NOTCH2: variants seen among roughly 807,000 people sequenced by gnomAD.
The protein encoded by NOTCH2 is neurogenic locus notch homolog protein 2.
NOTCH2 carries 29 observed loss-of-function variants against 235.8 expected under a neutral mutation model. The observed-to-expected ratio is 0.12, with a 90% CI of 0.09 to 0.17. The LOEUF is 0.17. Ranked by LOEUF, NOTCH2 falls within the 10% of genes least tolerant of loss-of-function variation. NOTCH2 has a pLI of 1.00. For missense variants in NOTCH2, 2,285 were observed against 3,150.2 expected (o/e 0.73, Z 6.57); for synonymous variants, 1,086 against 1,141.5 (o/e 0.95, Z 0.98).
At chr1:120,000,361 C>T (rs1306657443) in intron 3 of NOTCH2, among the ~76,000 whole-genome samples, 15 of 151,470 alleles carry the variant, frequency 9.9e-5, no homozygotes, top group Admixed American at 7.2e-4. Flanking sequence ...AGGTGAAAGC[C>T]CATCTCTACT....
At chr1:119,988,793 CTGA>C (rs1457915682) in intron 4 of NOTCH2, among the ~76,000 whole-genome samples, 1 of 152,178 alleles carries the variant, frequency 6.6e-6, no homozygotes. Flanking sequence ...CTCGATCTCT[CTGA>C]TGAGTAAGAC....
chr1:120,027,766 G>A (rs1294435609), intron 2 of NOTCH2, among the ~76,000 whole-genome samples: 1 of 151,146 alleles, frequency 6.6e-6, no homozygotes, highest in Non-Finnish European at 1.5e-5. Context: ...TGAGAATGAT[G>A]GCTTCCAGCT....
chr1:119,935,114 AAAT>A (rs1649801575), intron 22 of NOTCH2: 42 of 985,246 alleles, frequency 4.3e-5, no homozygotes, highest in Non-Finnish European at 4.9e-5. Context: ...AAAAGCAGGT[AAAT>A]GTAAATTGTT....
chr1:120,023,423 C>T lies in NOTCH2; in HGVS notation c.155+6483G>A, dbSNP rs1412217937. On this transcript the variant is annotated intron_variant, in intron 2 of 33. Coordinates refer to ENST00000256646, the MANE Select transcript of NOTCH2 (RefSeq NM_024408.4). ...CTGCACTCCAGCCTGGGCCACAGAG[C>T]GAGACTCTGTCTCAAAAAAAAACAA... Among the ~76,000 whole-genome samples the T allele has an allele frequency of 9.5e-5, 14 of 147,580 alleles. No individual in the cohort carries two copies. In the East Asian group the frequency reaches 2.2e-3, roughly 23 times the overall value.
chr1:119,926,503 G>A lies in NOTCH2; in HGVS notation c.4001C>T (p.Pro1334Leu), dbSNP rs772588398. ...GATGAGCAACAGGGCACTTACCGGG[G>A]GACAACGGCAAATGAAACCATCAGG... ...NMPDGFICRCPPGFSGARCQS... is the reference protein window; with the variant it reads ...NMPDGFICRCLPGFSGARCQS... The change falls in exon 24 of 34, where the codon CCC (proline) becomes CTC (leucine). Residue 1334 changes from proline (P) to leucine (L), a missense_variant. By Grantham distance (98) the Pro-to-Leu change is moderately conservative (BLOSUM62 -3). Around this residue, in one of 6 missense-constraint regions of NOTCH2, gnomAD observed 1,173 missense variants for 1,515.3 expected, o/e 0.77. Transcript: ENST00000256646. 4 of 1,599,046 alleles carry A rather than the reference G, an allele frequency of 2.5e-6. No individual in the cohort carries two copies. The South Asian group carries it at 3.4e-5, about 13-fold the overall frequency.
rs782254462 is a variant in NOTCH2 at position 119,929,167 on chromosome 1, T to C, written c.3701A>G (p.His1234Arg). 3.7e-6 allele frequency: 6 copies of C among 1,614,058 alleles called. No individual in the cohort carries two copies. The highest frequency in any genetic ancestry group is 5.1e-6 in the Non-Finnish European group (6 of 1,180,032). Residue 1234 changes from histidine to arginine, a missense_variant, in exon 23 of 34, where the codon CAT (histidine) becomes CGT (arginine). His to Arg is a conservative substitution (Grantham distance 29). This residue lies in a region of NOTCH2 where 1,173 missense variants were observed against 1,515.3 expected (regional missense o/e 0.77). Coordinates refer to ENST00000256646, the MANE Select transcript of NOTCH2 (RefSeq NM_024408.4). Reference sequence around the variant, plus strand: ...CATGCACTGACCACCATTAAGGCAATGGGGACCCCGGGCACAGTCATCAAT... The same window carrying C: ...CATGCACTGACCACCATTAAGGCAACGGGGACCCCGGGCACAGTCATCAAT... ...ENIDDCARGP[H>R]CLNGGQCMDR...
intron 4 of NOTCH2, chr1:119,996,753 A>C: frequency 1.0e-6 from 1 of 1,000,676 alleles, no homozygotes; most frequent in Non-Finnish European, 1.6e-6. Context: ...GTTTCTACAA[A>C]AGGGACAATA....
intron 2 of NOTCH2, among the ~76,000 whole-genome samples, chr1:120,026,112 CAGTG>C (rs1192852074): frequency 7.6e-6 from 1 of 131,716 alleles, no homozygotes; most frequent in African/African-American, 3.1e-5. Context: ...AGGCTCCTAA[CAGTG>C]AGAAAAAACA....
intron 11 of NOTCH2, among the ~76,000 whole-genome samples, chr1:119,961,479 C>T (rs1650935390): frequency 6.6e-6 from 1 of 152,190 alleles, no homozygotes; most frequent in Non-Finnish European, 1.5e-5. Context: ...TCTCTCATTA[C>T]AACACTGAAA....
chr1:119,979,733 T>A (rs1458066178), intron 5 of NOTCH2, among the ~76,000 whole-genome samples: 1 of 152,160 alleles, frequency 6.6e-6, no homozygotes, highest in East Asian at 1.9e-4. Context: ...ATATCAAGAA[T>A]AATTTTAAAG....
intron 23 of NOTCH2, 105 bp downstream of exon 23, chr1:119,928,871 T>C (rs1649559539): frequency 2.1e-6 from 2 of 944,882 alleles, no homozygotes; most frequent in Non-Finnish European, 1.7e-6. Flanking sequence ...GTTTTTCTTA[T>C]ATAAGAAAAG....
chr1:119,916,655 A>G lies in NOTCH2; in HGVS notation c.6067T>C (p.Tyr2023His). Residue 2023 changes from tyrosine (Y) to histidine (H), a missense_variant, in exon 34 of 34, where the codon TAT (tyrosine) becomes CAT (histidine). This residue lies in a region of NOTCH2 where 128 missense variants were observed against 255.9 expected (regional missense o/e 0.50). Coordinates refer to ENST00000256646, the MANE Select transcript of NOTCH2 (RefSeq NM_024408.4). ...TCTAACAGGATCTTGGCTGCTTCAT[A>G]GCTCCCCTCCCGGGCAGCAAGAAAC... ...PLFLAAREGS[Y>H]EAAKILLDHF... 1.9e-6 allele frequency: 3 copies of G among 1,614,210 alleles called. No individual in the cohort carries two copies. Among genetic ancestry groups the G allele is most frequent in the Non-Finnish European group, 1.7e-6 (2 of 1,180,042 alleles).
rs1358351374 is a variant in NOTCH2, at chr1:119,963,861, C to G, written c.1682-54G>C. 8.4e-6 allele frequency: 12 copies of G among 1,430,890 alleles called. No homozygotes were observed. In the East Asian group the frequency reaches 2.5e-4, roughly 30 times the overall value. 88.6% of individuals were successfully genotyped at this position (1,430,890 alleles called of 1,614,324 possible). On this transcript the variant is annotated intron_variant, in intron 10 of 33. Transcript: ENST00000256646. ...CAAAGACCAAGGCAGATATTCCACA[C>G]CAGAACACAAGTGTAGCTACATCCA...
chr1:119,969,802 T>C (rs1553200165), intron 5 of NOTCH2, 58 bp from the exon 6 acceptor site: 9 of 1,423,762 alleles, frequency 6.3e-6, no homozygotes, highest in Middle Eastern at 1.8e-4. Context: ...ACTAGTACCA[T>C]ACCAGCCCCC....
In NOTCH2 at chr1:119,919,548, C is replaced by T. The variant is rs1296823228; in HGVS notation, c.5545G>A (p.Glu1849Lys). 4 of 1,614,172 alleles carry T rather than the reference C, an allele frequency of 2.5e-6. No homozygotes were observed. Among genetic ancestry groups the T allele is most frequent in the Non-Finnish European group, 2.5e-6 (3 of 1,180,048 alleles). Residue 1849 changes from glutamate (E) to lysine (K), a missense_variant, in exon 31 of 34, where the codon GAA becomes AAA. Around this residue, in one of 6 missense-constraint regions of NOTCH2, gnomAD observed 1,173 missense variants for 1,515.3 expected, o/e 0.77. Coordinates refer to ENST00000256646, the MANE Select transcript of NOTCH2 (RefSeq NM_024408.4). ...TTAGCAGAAGAGTCCTCTGCATCTT[C>T]ATCTTCATCACTCAAATCTGAGCTG... The part of the protein sequence containing the change: ...GGSSDLSDED[E>K]DAEDSSANII...
In NOTCH2 at chr1:119,961,173, T is replaced by C. The variant is rs587711058; in HGVS notation, c.1916-1671A>G. Among the ~76,000 whole-genome samples the C allele has an allele frequency of 3.3e-5, 5 of 152,286 alleles. No individual in the cohort carries two copies. The South Asian group carries it at 1.0e-3, about 32-fold the overall frequency. On this transcript the variant is annotated intron_variant, in intron 11 of 33. Coordinates refer to ENST00000256646, the MANE Select transcript of NOTCH2 (RefSeq NM_024408.4). Reference sequence around the variant, plus strand: ...CAGGAAAGCTGGGCTCTGAACCCTGTTTGTGTGGCTCCACAGCATCCTCTT... The same window carrying C: ...CAGGAAAGCTGGGCTCTGAACCCTGCTTGTGTGGCTCCACAGCATCCTCTT...
At position 119,922,431 on chromosome 1, in the gene NOTCH2, G is replaced by A. The variant is rs761293438; in HGVS notation, c.5018C>T (p.Pro1673Leu). The A allele has an allele frequency of 6.2e-7, 1 of 1,612,436 alleles. No homozygotes were observed. The highest frequency in any genetic ancestry group is 8.5e-7 in the Non-Finnish European group (1 of 1,179,154). Residue 1673 changes from proline (P) to leucine (L), a missense_variant, in exon 28 of 34, where the codon CCA becomes CTA. Physicochemically the swap from Pro to Leu is moderately conservative, Grantham distance 98. Transcript: ENST00000256646. The stretch of plus-strand genomic sequence containing the variant: ...GAGATAGAGGAGCTGAGTGCGTTCT[G>A]GAGTCAGGGATTCACCTGAAAGTCC... ...LVSVVSESLT[P>L]ERTQLLYLLA... is the part of the protein sequence containing the mutation.
At position 119,919,814 on chromosome 1, in the gene NOTCH2, A is replaced by T. The variant is rs369043350; in HGVS notation, c.5480-201T>A. Among the ~76,000 whole-genome samples, 5 of 152,326 alleles carry T rather than the reference A, an allele frequency of 3.3e-5. No homozygotes were observed. The East Asian group carries it at 9.6e-4, about 29-fold the overall frequency. Reference sequence around the variant, plus strand: ...CTGTAAAGAATAATGGGAAAGTACAAGTCTTTTTAAGCTGGGGGCTCTTCT... The same window carrying T: ...CTGTAAAGAATAATGGGAAAGTACATGTCTTTTTAAGCTGGGGGCTCTTCT... On this transcript the variant is annotated intron_variant, in intron 30 of 33. Coordinates refer to ENST00000256646, the MANE Select transcript of NOTCH2 (RefSeq NM_024408.4).
intron 2 of NOTCH2, among the ~76,000 whole-genome samples, chr1:120,015,208 C>A (rs1326285797): frequency 6.6e-6 from 1 of 152,206 alleles, no homozygotes; most frequent in Admixed American, 6.5e-5. Context: ...AGCTGCTCCT[C>A]ATTAAAGCTC....
Sources: gnomAD v4.1 joint callset for allele counts (sites outside exome capture counted in the v4.1 genomes callset) on GRCh38, gnomAD v4.1.1 for gene constraint, gnomAD v4.1.1 regional missense constraint, MANE v1.5 for transcripts, NCBI Gene and HGNC (gene_info 2026-07-23, HGNC 2026-07-21) for gene names.